The following TSPEAR variants were observed in gnomAD, a reference collection of about 807,000 sequenced individuals.
TSPEAR encodes thrombospondin type laminin G domain and EAR repeats.
A neutral mutation model predicts 71.6 loss-of-function variants in TSPEAR; 69 were observed. The observed-to-expected ratio is 0.96, with a 90% CI of 0.79 to 1.18. TSPEAR has a LOEUF of 1.18. Among genes scored for constraint, TSPEAR ranks in the 50% most tolerant of loss-of-function variants. The pLI, the probability that TSPEAR is intolerant of heterozygous loss-of-function variation, is 0.00. For missense variants in TSPEAR, 971 were observed against 894.9 expected, an observed-to-expected ratio of 1.09 and a Z score of -1.09; for synonymous variants, 402 against 387.2, an observed-to-expected ratio of 1.04 and a Z score of -0.45.
chr21:44,682,079 G>A (rs782347689), intron 1 of TSPEAR: 15 of 1,613,938 alleles, frequency 9.3e-6, no homozygotes, highest in South Asian at 2.2e-5. Flanking sequence ...GGCTGGGCGC[G>A]CAGCAGGCTG....
At chr21:44,684,541 C>T (rs1418638595) in intron 1 of TSPEAR, among the ~76,000 whole-genome samples, 3 of 152,184 alleles carry the variant, frequency 2.0e-5, no homozygotes, top group Non-Finnish European at 4.4e-5. Flanking sequence ...TCAAAAAACC[C>T]CAGAAACTGA....
chr21:44,650,451 G>T (rs986846775), intron 1 of TSPEAR, among the ~76,000 whole-genome samples: 25 of 152,380 alleles, frequency 1.6e-4, no homozygotes, highest in Admixed American at 1.3e-3. Flanking sequence ...CGTGACGACG[G>T]GGGCAGAGAT....
intron 2 of TSPEAR, chr21:44,558,433 A>G: frequency 6.2e-7 from 1 of 1,614,074 alleles, no homozygotes; most frequent in East Asian, 2.2e-5. Flanking sequence ...GCCTGCTGGC[A>G]GGGGGAGGAT....
At position 44,546,678 on chromosome 21, in the gene TSPEAR, T is replaced by C. The variant is rs2053308826; in HGVS notation, c.304-12755A>G. 6.6e-6 allele frequency among the ~76,000 whole-genome samples: 1 copy of C among 152,152 alleles called. No individual in the cohort carries two copies. Among genetic ancestry groups the C allele is most frequent in the South Asian group, 2.1e-4 (1 of 4,830 alleles). ...TTGTCAGATGCTGATGCCTTTTTGGTTGTTGGTTTCCCCTGCCGCTGTACC... is the reference window on the plus strand; with the variant it reads ...TTGTCAGATGCTGATGCCTTTTTGGCTGTTGGTTTCCCCTGCCGCTGTACC... On this transcript the variant is annotated intron_variant, in intron 2 of 11. Transcript: ENST00000323084. This position sits in a 1 kb window ranked among gnomAD's most constrained non-coding sequence, Gnocchi z 4.4.
rs782642252 is a variant in TSPEAR, at chr21:44,529,884, G to C, written c.704C>G (p.Ala235Gly). The C allele has an allele frequency of 6.2e-7, 1 of 1,613,452 alleles. No individual in the cohort carries two copies. Among genetic ancestry groups the C allele is most frequent in the Non-Finnish European group, 8.5e-7 (1 of 1,179,904 alleles). ...ATPRLCPSRNAPLAVLSIPRV... is the reference protein window; with the variant it reads ...ATPRLCPSRNGPLAVLSIPRV... Reference sequence around the variant, plus strand: ...TGGGATGGACAGCACCGCCAGCGGGGCGTTCCTGCTGGGACACAGCCTTGG... The same window carrying C: ...TGGGATGGACAGCACCGCCAGCGGGCCGTTCCTGCTGGGACACAGCCTTGG... Residue 235 changes from alanine (A) to glycine (G), a missense_variant, in exon 5 of 12, where the codon GCC (alanine) becomes GGC (glycine). Transcript: ENST00000323084.
At chr21:44,651,605 C>A (rs587758292) in intron 1 of TSPEAR, among the ~76,000 whole-genome samples, 1 of 152,160 alleles carries the variant, frequency 6.6e-6, no homozygotes, top group African/African-American at 2.4e-5. Flanking sequence ...TCTCCTCTGG[C>A]CAAATGTCCT....
At chr21:44,682,055 G>A in intron 1 of TSPEAR, 1 of 1,614,096 alleles carries the variant, frequency 6.2e-7, no homozygotes, top group Non-Finnish European at 8.5e-7. Context: ...GGATGTAACA[G>A]GATGCCTGGC....
chr21:44,615,887 C>G (rs923560620), intron 1 of TSPEAR, among the ~76,000 whole-genome samples: 44 of 152,226 alleles, frequency 2.9e-4, no homozygotes, highest in African/African-American at 9.9e-4. Context: ...CCTGAGCATT[C>G]TGGACACTGC....
Position 44,540,089 on chromosome 21 carries a change from G to T in TSPEAR, c.304-6166C>A, listed in dbSNP as rs202090596. 14,916 of 1,613,714 alleles carry T rather than the reference G, an allele frequency of 9.2e-3. 69 individuals carry two copies. Among genetic ancestry groups the T allele is most frequent in the Non-Finnish European group, 0.01 (12,069 of 1,179,942 alleles). Reference sequence around the variant, plus strand: ...GGGCTCACAGCAGCTCTCTGGGCAGGCATCCACCTGCCAGGAGTCGGAGCA... The same window carrying T: ...GGGCTCACAGCAGCTCTCTGGGCAGTCATCCACCTGCCAGGAGTCGGAGCA... On this transcript the variant is annotated intron_variant, in intron 2 of 11. Transcript: ENST00000323084.
chr21:44,550,778 G>C, intron 2 of TSPEAR: 1 of 1,614,210 alleles, frequency 6.2e-7, no homozygotes, highest in Non-Finnish European at 8.5e-7. Context: ...CAGAGGAGGA[G>C]GGTCTGCAGC....
chr21:44,550,987 A>ATC (rs1555918662), intron 2 of TSPEAR: 2 of 1,611,382 alleles, frequency 1.2e-6, no homozygotes, highest in South Asian at 1.1e-5. Flanking sequence ...GAAGAGGATG[A>ATC]CTCAGAGCAG....
intron 1 of TSPEAR, chr21:44,646,587 G>C: frequency 6.2e-7 from 1 of 1,612,476 alleles, no homozygotes; most frequent in Non-Finnish European, 8.5e-7. Flanking sequence ...CCCCCTCCCT[G>C]AGCCTGGTCT....
intron 1 of TSPEAR, among the ~76,000 whole-genome samples, chr21:44,594,712 C>T (rs993495983): frequency 4.6e-5 from 7 of 152,134 alleles, no homozygotes; most frequent in Non-Finnish European, 2.9e-5. Context: ...TCCTGGCTCT[C>T]GTCTTGGCCA....
intron 1 of TSPEAR, among the ~76,000 whole-genome samples, chr21:44,588,089 C>G (rs782045152): frequency 1.3e-5 from 2 of 152,298 alleles, no homozygotes; most frequent in Non-Finnish European, 2.9e-5. Context: ...AAACAGACAA[C>G]CCACACAGTG....
At position 44,525,179 on chromosome 21, in the gene TSPEAR, TAGTC is replaced by T. The variant is rs782425348; in HGVS notation, c.1336+470_1336+473del. 9.0e-4 allele frequency among the ~76,000 whole-genome samples: 136 copies of T among 151,756 alleles called. 1 individual carries two copies. The highest frequency in any genetic ancestry group is 1.4e-3 in the Non-Finnish European group (97 of 67,966). ...TTAGTCAGTCAGTCAGTCAGTGAAG[TAGTC>T]AGTCAGTCTGTGATGTAGTTGGTCA... On this transcript the variant is annotated intron_variant, in intron 8 of 11. Coordinates refer to ENST00000323084, the MANE Select transcript of TSPEAR (RefSeq NM_144991.3).
chr21:44,660,031 G>A (rs1985403429), intron 1 of TSPEAR, among the ~76,000 whole-genome samples: 1 of 152,136 alleles, frequency 6.6e-6, no homozygotes, highest in African/African-American at 2.4e-5. Flanking sequence ...GATACAACCA[G>A]GTGTGGAAGC....
chr21:44,680,793 C>T (rs1394691520), intron 1 of TSPEAR, among the ~76,000 whole-genome samples: 1 of 152,214 alleles, frequency 6.6e-6, no homozygotes, highest in Non-Finnish European at 1.5e-5. Context: ...TTCTCACTCA[C>T]ATGTGGGAGT....
At chr21:44,580,014 C>T in intron 1 of TSPEAR, 3 of 1,595,044 alleles carry the variant, frequency 1.9e-6, no homozygotes, top group East Asian at 2.3e-5. Context: ...CAGACGGGCA[C>T]ACAGCAGATG....
intron 1 of TSPEAR, among the ~76,000 whole-genome samples, chr21:44,603,057 G>A (rs1346279621): frequency 2.3e-5 from 1 of 42,702 alleles, no homozygotes; most frequent in Non-Finnish European, 1.3e-4. Flanking sequence ...CTCCAGAGGG[G>A]GTGGAGACAG....
Sources: allele counts gnomAD v4.1 joint callset (sites outside exome capture counted in the v4.1 genomes callset), GRCh38; gene constraint gnomAD v4.1.1; non-coding constraint Gnocchi (gnomAD v3.1); transcripts MANE v1.5; gene names NCBI Gene and HGNC (gene_info 2026-07-23, HGNC 2026-07-21).